The following RMC1 variants were observed in gnomAD, a reference collection of about 807,000 sequenced individuals.
RMC1 encodes regulator of MON1-CCZ1, also known as regulator of MON1-CCZ1 complex.
In RMC1, 44 loss-of-function variants were observed where a neutral mutation model predicts 95.5. The ratio of observed to expected loss-of-function variants is 0.46; its 90% CI spans 0.36 to 0.59. The LOEUF is 0.59. RMC1 is among the 20% of genes least tolerant of loss of function. The pLI, the probability that RMC1 is intolerant of heterozygous loss-of-function variation, is 0.00. For synonymous variants in RMC1, 320 were observed against 303.6 expected (o/e 1.05, Z -0.56); for missense variants, 705 against 819.6 (o/e 0.86, Z 1.71).
In RMC1 at chr18:23,520,164, A is replaced by G. The variant is rs1389099201; in HGVS notation, c.850-38A>G. The G allele has an allele frequency of 2.6e-6, 4 of 1,510,486 alleles. No homozygotes were observed. The Admixed American group carries it at 5.0e-5, about 19-fold the overall frequency. 93.6% of individuals were successfully genotyped at this position (1,510,486 alleles called of 1,614,324 possible). A position where few individuals can be genotyped will look rare whatever the true frequency, so the allele number is the denominator to read the frequency against. ...AATGAAAGCAACTGGGCAAACCATGATTGATTTTGGCCTCAGTCTTGTCTT... is the reference window on the plus strand; with the variant it reads ...AATGAAAGCAACTGGGCAAACCATGGTTGATTTTGGCCTCAGTCTTGTCTT... On this transcript the variant is annotated intron_variant, in intron 9 of 19. Transcript: ENST00000269221.
In RMC1 at chr18:23,504,831, A is replaced by G. The variant is rs1006538405; in HGVS notation, c.179+384A>G. On this transcript the variant is annotated intron_variant, in intron 2 of 19. Coordinates refer to ENST00000269221, the MANE Select transcript of RMC1 (RefSeq NM_013326.5). ...TTCATTGTTTCTCATGTAATAATACAAGAAAATCATGGCTTCCACTATACT... is the reference window on the plus strand; with the variant it reads ...TTCATTGTTTCTCATGTAATAATACGAGAAAATCATGGCTTCCACTATACT... The G allele has an allele frequency of 4.9e-5, 9 of 182,972 alleles. No homozygotes were observed. The Admixed American group carries it at 5.0e-4, about 10-fold the overall frequency. The allele number at this position is 182,972 out of a possible 1,614,324, so 11.3% of individuals were successfully genotyped here.
intron 5 of RMC1, among the ~76,000 whole-genome samples, chr18:23,511,462 C>T (rs2057855609): frequency 6.6e-6 from 1 of 152,044 alleles, no homozygotes; most frequent in African/African-American, 2.4e-5. Context: ...CACATCTATC[C>T]CTGAACCTAA....
intron 12 of RMC1, 151 bp from the exon 13 acceptor site, chr18:23,526,486 C>A: frequency 1.1e-6 from 1 of 905,596 alleles, no homozygotes; most frequent in Non-Finnish European, 1.6e-6. Context: ...CTCAGCTCTG[C>A]TTTGGTTAGG....
chr18:23,517,161 T>C (rs2058030137), intron 7 of RMC1, among the ~76,000 whole-genome samples: 1 of 152,162 alleles, frequency 6.6e-6, no homozygotes, highest in African/African-American at 2.4e-5. Context: ...TTTTTTTTGT[T>C]TGTTTTTGTG....
At position 23,529,363 on chromosome 18, in the gene RMC1, G is replaced by C. The variant is rs146804044; in HGVS notation, c.1416+65G>C. Reference sequence around the variant, plus strand: ...TCAAAACAAGGAAGTTGCTGAAAACGAGGAGACTTCATGTGATTAGAGTCA... The same window carrying C: ...TCAAAACAAGGAAGTTGCTGAAAACCAGGAGACTTCATGTGATTAGAGTCA... On this transcript the variant is annotated intron_variant, in intron 15 of 19. Coordinates refer to ENST00000269221, the MANE Select transcript of RMC1 (RefSeq NM_013326.5). The C allele has an allele frequency of 9.8e-4, 1,520 of 1,555,372 alleles. 1 individual carries two copies. The highest frequency in any genetic ancestry group is 1.3e-3 in the South Asian group (107 of 82,068).
Position 23,531,801 on chromosome 18 carries a change from C to CA in RMC1, c.*99dup. ...TATAAAATGTTATAAAGTGTATCTA[C>CA]AACCTCAACTGTCACTAAAAATATG... On this transcript the variant is annotated 3_prime_UTR_variant, in exon 20 of 20. Coordinates refer to ENST00000269221, the MANE Select transcript of RMC1 (RefSeq NM_013326.5). The CA allele has an allele frequency of 6.5e-7, 1 of 1,528,376 alleles. No homozygotes were observed. The highest frequency in any genetic ancestry group is 1.3e-5 in the South Asian group (1 of 77,660). 94.7% of individuals were successfully genotyped at this position (1,528,376 alleles called of 1,614,324 possible).
In RMC1 at chr18:23,524,195, G is replaced by T. The variant is rs761042685; in HGVS notation, c.1006+21G>T. ...ACTCTGTATCCTTTACTAAGGTGTG[G>T]CACCGTGCACAACAGGGCAAGTGGT... is the stretch of plus-strand genomic sequence containing the variant. On this transcript the variant is annotated intron_variant, in intron 11 of 19. Transcript: ENST00000269221. The T allele has an allele frequency of 1.9e-6, 3 of 1,612,420 alleles. No individual in the cohort carries two copies. In the East Asian group the frequency reaches 6.7e-5, roughly 36 times the overall value.
chr18:23,524,121 A>G lies in RMC1; in HGVS notation c.962-9A>G, dbSNP rs554160472. 1 of 1,614,060 alleles carries G rather than the reference A, an allele frequency of 6.2e-7. No homozygotes were observed. Among genetic ancestry groups the G allele is most frequent in the East Asian group, 2.2e-5 (1 of 44,888 alleles). On this transcript the variant is annotated splice_polypyrimidine_tract_variant and intron_variant, in intron 10 of 19. Coordinates refer to ENST00000269221, the MANE Select transcript of RMC1 (RefSeq NM_013326.5). ...TGCATCGTTGCACTTATGTTTTCTC[A>G]ATTTGTAGGTCCTGCTGCCGTGACC... is the stretch of plus-strand genomic sequence containing the variant.
intron 4 of RMC1, among the ~76,000 whole-genome samples, 191 bp from the exon 5 acceptor site, chr18:23,509,002 T>C (rs2057780954): frequency 6.6e-6 from 1 of 152,162 alleles, no homozygotes; most frequent in Non-Finnish European, 1.5e-5. Context: ...GGATTCAGGT[T>C]CTTGAATGAA....
At chr18:23,521,156 G>C (rs183917860) in intron 10 of RMC1, among the ~76,000 whole-genome samples, 13 of 152,248 alleles carry the variant, frequency 8.5e-5, no homozygotes, top group Non-Finnish European at 5.9e-5. Context: ...TGCCCAGCCT[G>C]TTCTAGTTTT....
intron 5 of RMC1, among the ~76,000 whole-genome samples, chr18:23,512,166 G>GC (rs1013636217): frequency 8.6e-5 from 13 of 151,480 alleles, no homozygotes; most frequent in African/African-American, 2.9e-4. Context: ...GTCTACAGGC[G>GC]CCCAGCACCA....
At chr18:23,519,830 T>C (rs550923438) in intron 9 of RMC1, among the ~76,000 whole-genome samples, 1 of 152,162 alleles carries the variant, frequency 6.6e-6, no homozygotes, top group South Asian at 2.1e-4. Context: ...CTAGAATGGG[T>C]CCTGTGGGCT....
Position 23,503,796 on chromosome 18 carries a change from C to A in RMC1, c.102+76C>A. On this transcript the variant is annotated intron_variant, in intron 1 of 19. Transcript: ENST00000269221. Reference sequence around the variant, plus strand: ...GCGCGCCAAGGCCGGTCCCGCGCGACCAGGCCCGAGCGTCCCCTCCTGTCC... The same window carrying A: ...GCGCGCCAAGGCCGGTCCCGCGCGAACAGGCCCGAGCGTCCCCTCCTGTCC... 3.1e-6 allele frequency: 4 copies of A among 1,285,158 alleles called. No individual in the cohort carries two copies. The South Asian group carries it at 6.1e-5, about 19-fold the overall frequency. The allele number at this position is 1,285,158 out of a possible 1,614,324, so 79.6% of individuals were successfully genotyped here. A position where few individuals can be genotyped will look rare whatever the true frequency, so the allele number is the denominator to read the frequency against.
intron 10 of RMC1, among the ~76,000 whole-genome samples, chr18:23,520,899 G>A (rs929323605): frequency 6.6e-6 from 1 of 152,178 alleles, no homozygotes; most frequent in Non-Finnish European, 1.5e-5. Context: ...TGTATTTTTA[G>A]TAGAGATGGG....
rs761161083 is a variant in RMC1 at position 23,530,466 on chromosome 18, G to A, written c.1748G>A (p.Arg583Gln). ...GTGTTAGCTGCCTTAAGGTTTATCC[G>A]GGGCATTGGTGGCCATGACAACATT... ...HQVLAALRFI[R>Q]GIGGHDNISA... The change falls in exon 19 of 20, where the codon CGG becomes CAG. Residue 583 changes from arginine (R) to glutamine (Q), a missense_variant. Physicochemically the swap from Arg to Gln is conservative, Grantham distance 43 (BLOSUM62 1). Coordinates refer to ENST00000269221, the MANE Select transcript of RMC1 (RefSeq NM_013326.5). 2.0e-5 allele frequency: 33 copies of A among 1,614,094 alleles called. No individual in the cohort carries two copies. The highest frequency in any genetic ancestry group is 1.3e-4 in the African/African-American group (10 of 74,910).
chr18:23,519,439 G>T (rs1598879856), intron 9 of RMC1, among the ~76,000 whole-genome samples: 1 of 151,962 alleles, frequency 6.6e-6, no homozygotes, highest in Non-Finnish European at 1.5e-5. Flanking sequence ...GATGGCTTGA[G>T]CCCAGGAGGT....
rs79533717 is a variant in RMC1 at position 23,530,566 on chromosome 18, T to C, written c.1848T>C (p.Phe616=). Residue 616 remains phenylalanine, a synonymous_variant, in exon 19 of 20, where the codon TTT becomes TTC. Transcript: ENST00000269221. ...TTTTCTATACAATATTCCGCTTTTT[T>C]GAACAGCGAAACCAGCGTTTGCGAG... is the stretch of plus-strand genomic sequence containing the variant. ...NMLFYTIFRF[F]EQRNQRLRGS... The C allele has an allele frequency of 1.3e-5, 21 of 1,614,102 alleles. No individual in the cohort carries two copies. Among genetic ancestry groups the C allele is most frequent in the Non-Finnish European group, 1.7e-5 (20 of 1,180,026 alleles).
chr18:23,527,859 T>C lies in RMC1; in HGVS notation c.1254T>C (p.His418=). Residue 418 remains histidine (H), a synonymous_variant, in exon 14 of 20, where the codon CAT becomes CAC. Coordinates refer to ENST00000269221, the MANE Select transcript of RMC1 (RefSeq NM_013326.5). ...CCACTGTTTTTGATAAACTCAACCA[T>C]GAGTATAAAAAGTACCTGGATGCCG... The part of the protein sequence containing the change: ...VIATVFDKLN[H]EYKKYLDAEQ... 1 of 1,614,136 alleles carries C rather than the reference T, an allele frequency of 6.2e-7. No individual in the cohort carries two copies. Among genetic ancestry groups the C allele is most frequent in the Middle Eastern group, 1.6e-4 (1 of 6,062 alleles).
At chr18:23,508,140 T>TG in intron 4 of RMC1, 99 bp downstream of exon 4, 1 of 1,105,482 alleles carries the variant, frequency 9.0e-7, no homozygotes, top group Non-Finnish European at 1.3e-6. Flanking sequence ...AGCACAGACT[T>TG]GAAGTCAGAC....
Sources: gnomAD v4.1 joint callset for allele counts (sites outside exome capture counted in the v4.1 genomes callset) on GRCh38, gnomAD v4.1.1 for gene constraint, MANE v1.5 for transcripts, NCBI Gene and HGNC (gene_info 2026-07-23, HGNC 2026-07-21) for gene names.